ALDH2: variants seen among roughly 807,000 people sequenced by gnomAD.
The protein encoded by ALDH2 is aldehyde dehydrogenase, mitochondrial.
ALDH2 carries 44 observed loss-of-function variants against 59.6 expected under a neutral mutation model. That is an observed-to-expected ratio of 0.74 (90% CI 0.58 to 0.95). The LOEUF (loss-of-function observed/expected upper bound fraction) is 0.95, where lower values mean the gene tolerates loss of function less well. Among genes scored for constraint, ALDH2 ranks in the 40% least tolerant of loss-of-function variants. The probability of loss-of-function intolerance (pLI) is 0.00; values close to 1 mark genes in which losing one functional copy is unlikely to be tolerated. For missense variants in ALDH2, 570 were observed against 696.3 expected (o/e 0.82, Z 2.04); for synonymous variants, 291 against 284.0 (o/e 1.02, Z -0.25).
chr12:111,795,679 T>C (rs574894372), intron 9 of ALDH2, among the ~76,000 whole-genome samples: 1 of 150,044 alleles, frequency 6.7e-6, no homozygotes, highest in African/African-American at 2.5e-5. Context: ...GCAACCTCCG[T>C]CTCCCAGGTT....
intron 7 of ALDH2, 86 bp from the exon 8 acceptor site, chr12:111,791,975 G>A: frequency 1.2e-6 from 1 of 824,624 alleles, no homozygotes; most frequent in Non-Finnish European, 2.1e-6. Context: ...CACTCAAGCT[G>A]TGGGGGACTC....
Position 111,783,166 on chromosome 12 carries a change from G to T in ALDH2, c.228G>T (p.Val76=). Residue 76 remains valine, a synonymous_variant, in exon 3 of 13, where the codon GTG becomes GTT. Transcript: ENST00000261733. Reference sequence around the variant, plus strand: ...TTTCCTGTGTTTTCTAGGAAGATGTGGACAAGGCAGTGAAGGCCGCCCGGG... The same window carrying T: ...TTTCCTGTGTTTTCTAGGAAGATGTTGACAAGGCAGTGAAGGCCGCCCGGG... The part of the protein sequence containing the change: ...CQVAEGDKED[V]DKAVKAARAA... 1 of 1,611,166 alleles carries T rather than the reference G, an allele frequency of 6.2e-7. No homozygotes were observed.
Position 111,792,178 on chromosome 12 carries a change from G to A in ALDH2, c.898+15G>A. The A allele has an allele frequency of 6.3e-7, 1 of 1,582,780 alleles. No individual in the cohort carries two copies. Among genetic ancestry groups the A allele is most frequent in the Non-Finnish European group, 8.6e-7 (1 of 1,163,760 alleles). ...AGATGCCGATAGTGAGTTTCCAGCT[G>A]GAGAAGGCCTGGCCTTGAAGGTAGC... On this transcript the variant is annotated intron_variant, in intron 8 of 12. Coordinates refer to ENST00000261733, the MANE Select transcript of ALDH2 (RefSeq NM_000690.4).
chr12:111,771,683 A>G (rs1274250356), intron 1 of ALDH2, among the ~76,000 whole-genome samples: 1 of 152,254 alleles, frequency 6.6e-6, no homozygotes, highest in Non-Finnish European at 1.5e-5. Flanking sequence ...TCCATAAAAA[A>G]TGTGTAAGAA....
In ALDH2 at chr12:111,809,582, T is replaced by C. The variant is rs2068521361; in HGVS notation, c.*7T>C. ...GCCTCAGAAGAACTCATAAGAATCA[T>C]GCAAGCTTCCTCCCTCAGCCATTGA... On this transcript the variant is annotated 3_prime_UTR_variant, in exon 13 of 13. Transcript: ENST00000261733. The C allele has an allele frequency of 1.2e-6, 2 of 1,614,084 alleles. No homozygotes were observed. Among genetic ancestry groups the C allele is most frequent in the South Asian group, 2.2e-5 (2 of 91,076 alleles).
chr12:111,799,482 T>C (rs2068431425), intron 10 of ALDH2, among the ~76,000 whole-genome samples: 1 of 151,724 alleles, frequency 6.6e-6, no homozygotes, highest in African/African-American at 2.4e-5. Flanking sequence ...TTTTTTTTTT[T>C]TTTTTGAGTA....
chr12:111,809,411 A>T (rs1185581189), intron 12 of ALDH2, 132 bp from the exon 13 acceptor site: 1 of 907,580 alleles, frequency 1.1e-6, no homozygotes, highest in East Asian at 2.5e-5. Context: ...CTGTAATTGC[A>T]CCCCTGTACT....
intron 1 of ALDH2, among the ~76,000 whole-genome samples, chr12:111,774,562 C>T (rs2068221796): frequency 6.6e-6 from 1 of 152,182 alleles, no homozygotes; most frequent in African/African-American, 2.4e-5. Context: ...AAAGCTTGAA[C>T]TGAAATCTTT....
intron 10 of ALDH2, among the ~76,000 whole-genome samples, chr12:111,799,459 G>A (rs899391793): frequency 6.6e-6 from 1 of 151,522 alleles, no homozygotes; most frequent in Non-Finnish European, 1.5e-5. Flanking sequence ...GAGCCATCGT[G>A]CCTGGCCAAA....
Position 111,792,743 on chromosome 12 carries a change from C to A in ALDH2, c.1044C>A (p.Val348=). Residue 348 remains valine, a synonymous_variant, in exon 9 of 13, where the codon GTC becomes GTA. Coordinates refer to ENST00000261733, the MANE Select transcript of ALDH2 (RefSeq NM_000690.4). ...RSVARAKSRV[V]GNPFDSKTEQ... ...TTGCCCGGGCCAAGTCTCGGGTGGTCGGGAACCCCTTTGATAGCAAGACCG... is the reference window on the plus strand; with the variant it reads ...TTGCCCGGGCCAAGTCTCGGGTGGTAGGGAACCCCTTTGATAGCAAGACCG... The A allele has an allele frequency of 1.3e-6, 2 of 1,563,556 alleles. No homozygotes were observed. Among genetic ancestry groups the A allele is most frequent in the South Asian group, 2.3e-5 (2 of 85,408 alleles).
intron 4 of ALDH2, among the ~76,000 whole-genome samples, chr12:111,788,663 AC>A (rs1165691941): frequency 6.6e-6 from 1 of 152,002 alleles, no homozygotes; most frequent in Non-Finnish European, 1.5e-5. Context: ...TAGATTGGCA[AC>A]CCCCTAGCTA....
chr12:111,793,948 T>C lies in ALDH2; in HGVS notation c.1083+1166T>C, dbSNP rs1441051119. Among the ~76,000 whole-genome samples the C allele has an allele frequency of 6.6e-5, 10 of 151,832 alleles. No homozygotes were observed. The Admixed American group carries it at 6.6e-4, about 10-fold the overall frequency. ...GTATCATATAAATATATTTGTGCCC[T>C]GAAACCCCCGTCCTCCACCTATTCT... On this transcript the variant is annotated intron_variant, in intron 9 of 12. Transcript: ENST00000261733.
chr12:111,777,007 C>T (rs1182826207), intron 1 of ALDH2, among the ~76,000 whole-genome samples: 5 of 152,126 alleles, frequency 3.3e-5, no homozygotes, highest in African/African-American at 4.8e-5. Context: ...GTGAAATCAA[C>T]GTGTGTTGAG....
chr12:111,803,646 G>A (rs1216788764), intron 11 of ALDH2, among the ~76,000 whole-genome samples: 1 of 151,700 alleles, frequency 6.6e-6, no homozygotes, highest in African/African-American at 2.4e-5. Context: ...TGAGGCAGGA[G>A]AATCTCTTGA....
chr12:111,772,468 G>A (rs1350337363), intron 1 of ALDH2, among the ~76,000 whole-genome samples: 4 of 151,888 alleles, frequency 2.6e-5, no homozygotes, highest in Admixed American at 6.6e-5. Flanking sequence ...GGGTTCAAGC[G>A]ATTCTCCTGC....
intron 1 of ALDH2, among the ~76,000 whole-genome samples, chr12:111,774,387 A>G (rs1178995702): frequency 6.6e-6 from 1 of 152,192 alleles, no homozygotes; most frequent in African/African-American, 2.4e-5. Flanking sequence ...TCTGCTTTCC[A>G]TCGGACATAA....
In ALDH2 at chr12:111,792,119, A is replaced by G; in HGVS notation, c.854A>G (p.Glu285Gly). Residue 285 changes from glutamate to glycine, a missense_variant, in exon 8 of 13, where the codon GAG becomes GGG. Physicochemically the swap from Glu to Gly is moderately conservative, Grantham distance 98 (BLOSUM62 -2). Transcript: ENST00000261733. Reference protein sequence around the residue: ...GSSNLKRVTLELGGKSPNIIM... With the variant: ...GSSNLKRVTLGLGGKSPNIIM... ...AGCAACCTCAAGAGAGTGACCTTGG[A>G]GCTGGGGGGGAAGAGCCCCAACATC... 6.2e-7 allele frequency: 1 copy of G among 1,608,086 alleles called. No homozygotes were observed. Among genetic ancestry groups the G allele is most frequent in the Non-Finnish European group, 8.5e-7 (1 of 1,178,610 alleles).
In ALDH2 at chr12:111,815,088, A is replaced by G. The variant is rs2068561836; in HGVS notation, c.*5513A>G. 1 of 152,212 alleles carries G rather than the reference A, an allele frequency of 6.6e-6. No homozygotes were observed. Among genetic ancestry groups the G allele is most frequent in the African/African-American group, 2.4e-5 (1 of 41,458 alleles). The allele number at this position is 152,212 out of a possible 1,614,324, so 9.4% of individuals were successfully genotyped here. ...AAGGAAATAGATGCAGATGGTATAGAAAGTTTCAGTGAAATGTAAATCTGA... is the reference window on the plus strand; with the variant it reads ...AAGGAAATAGATGCAGATGGTATAGGAAGTTTCAGTGAAATGTAAATCTGA... On this transcript the variant is annotated 3_prime_UTR_variant, in exon 13 of 13. Transcript: ENST00000261733.
chr12:111,810,962 C>T lies in ALDH2; in HGVS notation c.*1387C>T, dbSNP rs1299176166. The stretch of plus-strand genomic sequence containing the variant: ...GATTTGGAAACCAGATGTCAATTTA[C>T]TTACTTTAAGTGAGATCTGTATCTT... On this transcript the variant is annotated 3_prime_UTR_variant, in exon 13 of 13. Coordinates refer to ENST00000261733, the MANE Select transcript of ALDH2 (RefSeq NM_000690.4). 1 of 152,166 alleles carries T rather than the reference C, an allele frequency of 6.6e-6. No homozygotes were observed. Among genetic ancestry groups the T allele is most frequent in the Admixed American group, 6.5e-5 (1 of 15,274 alleles). The allele number at this position is 152,166 out of a possible 1,614,324, so 9.4% of individuals were successfully genotyped here.
Sources: allele counts gnomAD v4.1 joint callset (sites outside exome capture counted in the v4.1 genomes callset), GRCh38; gene constraint gnomAD v4.1.1; transcripts MANE v1.5; gene names NCBI Gene and HGNC (gene_info 2026-07-23, HGNC 2026-07-21).